DAG1: variants seen among roughly 807,000 people sequenced by gnomAD.
DAG1 encodes dystroglycan 1, also known as dystroglycan 1 (dystrophin-associated glycoprotein 1).
In DAG1, 8 loss-of-function variants were observed where a neutral mutation model predicts 46.1. That is an observed-to-expected ratio of 0.17 (90% CI 0.10 to 0.31). The LOEUF (loss-of-function observed/expected upper bound fraction) is 0.31, where lower values mean the gene tolerates loss of function less well. Ranked by LOEUF, DAG1 falls within the 10% of genes least tolerant of loss-of-function variation. The probability of loss-of-function intolerance (pLI) is 1.00; values close to 1 mark genes in which losing one functional copy is unlikely to be tolerated. For missense variants in DAG1, 1,003 were observed against 1,189.9 expected, an observed-to-expected ratio of 0.84 and a Z score of 2.31; for synonymous variants, 495 against 481.8, an observed-to-expected ratio of 1.03 and a Z score of -0.36.
intron 2 of DAG1, among the ~76,000 whole-genome samples, chr3:49,520,575 T>C (rs2051001621): frequency 6.6e-6 from 1 of 152,134 alleles, no homozygotes; most frequent in Non-Finnish European, 1.5e-5. Context: ...AGGTCCAGCA[T>C]TGGGATGTCA....
At position 49,510,939 on chromosome 3, in the gene DAG1, C is replaced by T. The variant is rs2050747092; in HGVS notation, c.285+120C>T. 9 of 1,536,646 alleles carry T rather than the reference C, an allele frequency of 5.9e-6. No individual in the cohort carries two copies. In the Admixed American group the frequency reaches 1.6e-4, roughly 27 times the overall value. ...CTGAGCTCAGTTCTTCCAGTACCCCCTTAGAAGAGGGACAGCCACTGATGT... is the reference window on the plus strand; with the variant it reads ...CTGAGCTCAGTTCTTCCAGTACCCCTTTAGAAGAGGGACAGCCACTGATGT... On this transcript the variant is annotated intron_variant, in intron 2 of 2. Coordinates refer to ENST00000308775, the MANE Select transcript of DAG1 (RefSeq NM_004393.6).
chr3:49,532,043 G>C lies in DAG1; in HGVS notation c.1532G>C (p.Gly511Ala). ...ATTGACAGGGTAGATGCCTGGGTTG[G>C]CACCTACTTTGAGGTGAAGATCCCG... is the stretch of plus-strand genomic sequence containing the variant. ...NHIDRVDAWV[G>A]TYFEVKIPSD... is the part of the protein sequence containing the mutation. The change falls in exon 3 of 3, where the codon GGC becomes GCC. Residue 511 changes from glycine (G) to alanine (A), a missense_variant. Coordinates refer to ENST00000308775, the MANE Select transcript of DAG1 (RefSeq NM_004393.6). The surrounding 1 kb of genome is among the most constrained non-coding windows in gnomAD (Gnocchi z 5.4). 1 of 1,614,198 alleles carries C rather than the reference G, an allele frequency of 6.2e-7. No individual in the cohort carries two copies. Among genetic ancestry groups the C allele is most frequent in the East Asian group, 2.2e-5 (1 of 44,886 alleles).
chr3:49,501,768 C>G (rs748572793), intron 1 of DAG1, among the ~76,000 whole-genome samples: 4 of 147,176 alleles, frequency 2.7e-5, no homozygotes, highest in Non-Finnish European at 5.9e-5. Context: ...GAGCCGAGAT[C>G]ATGCCACTGT....
At chr3:49,490,517 C>A (rs999537673) in intron 1 of DAG1, among the ~76,000 whole-genome samples, 1 of 151,616 alleles carries the variant, frequency 6.6e-6, no homozygotes. Context: ...TTTTCTGAAC[C>A]ATCTATGAGT....
intron 1 of DAG1, among the ~76,000 whole-genome samples, chr3:49,494,625 AATT>A (rs1203553930): frequency 4.0e-5 from 6 of 151,826 alleles, no homozygotes; most frequent in South Asian, 2.1e-4. Context: ...ATGCTTGGTG[AATT>A]ATTATTATTA....
chr3:49,492,764 G>C (rs891778338), intron 1 of DAG1: 1 of 152,116 alleles, frequency 6.6e-6, no homozygotes, highest in Non-Finnish European at 1.5e-5. Flanking sequence ...GCAGCTCCAA[G>C]GTACTTTTCA....
chr3:49,476,566 T>C (rs529372209), intron 1 of DAG1, among the ~76,000 whole-genome samples: 1 of 152,114 alleles, frequency 6.6e-6, no homozygotes, highest in Admixed American at 6.6e-5. Context: ...AGTGTTGAGG[T>C]TTTTCTTCTC....
rs753007018 is a variant in DAG1 at position 49,510,555 on chromosome 3, C to G, written c.21C>G (p.Leu7=). The G allele has an allele frequency of 5.6e-6, 9 of 1,613,660 alleles. 1 individual carries two copies. The South Asian group carries it at 8.8e-5, about 16-fold the overall frequency. MRMSVG[L]SLLLPLSGRT... The stretch of plus-strand genomic sequence containing the variant: ...CTGGGATGAGGATGTCTGTGGGCCT[C>G]TCGCTGCTGCTGCCCCTCTCGGGGA... The change falls in exon 2 of 3, where the codon CTC becomes CTG. Residue 7 remains leucine (L), a synonymous_variant. Coordinates refer to ENST00000308775, the MANE Select transcript of DAG1 (RefSeq NM_004393.6).
chr3:49,522,565 G>C (rs2051061964), intron 2 of DAG1, among the ~76,000 whole-genome samples: 1 of 148,316 alleles, frequency 6.7e-6, no homozygotes, highest in African/African-American at 2.5e-5. Context: ...TCAGCCTCCT[G>C]AGTAGCTGGG....
intron 1 of DAG1, among the ~76,000 whole-genome samples, chr3:49,489,122 T>C (rs2050114760): frequency 6.6e-6 from 1 of 150,932 alleles, no homozygotes. Flanking sequence ...TGAGACACAG[T>C]TTTGCTCTTG....
intron 2 of DAG1, among the ~76,000 whole-genome samples, chr3:49,520,641 G>A (rs1013497269): frequency 1.3e-5 from 2 of 152,168 alleles, no homozygotes; most frequent in African/African-American, 4.8e-5. Flanking sequence ...ACGGGGAAGG[G>A]CCCAGCCCAC....
intron 1 of DAG1, among the ~76,000 whole-genome samples, chr3:49,505,505 T>C (rs2050581161): frequency 6.6e-6 from 1 of 152,206 alleles, no homozygotes; most frequent in African/African-American, 2.4e-5. Context: ...AGAAATACAA[T>C]TGATTTTTGA....
At chr3:49,517,399 G>C (rs536242703) in intron 2 of DAG1, among the ~76,000 whole-genome samples, 1 of 152,126 alleles carries the variant, frequency 6.6e-6, no homozygotes, top group Admixed American at 6.6e-5. Context: ...TTAATGCTTT[G>C]TTCTAGTCAG....
intron 2 of DAG1, among the ~76,000 whole-genome samples, chr3:49,529,066 G>C (rs1033632651): frequency 6.6e-6 from 1 of 152,108 alleles, no homozygotes; most frequent in Admixed American, 6.6e-5. Flanking sequence ...GGCCAGGCTG[G>C]TCTCGAACTC....
At chr3:49,505,838 T>A (rs1184406945) in intron 1 of DAG1, among the ~76,000 whole-genome samples, 1 of 10,884 alleles carries the variant, frequency 9.2e-5, no homozygotes, top group Non-Finnish European at 2.2e-4. Flanking sequence ...TAATTTTGTA[T>A]TTTTTTTTTT....
intron 1 of DAG1, among the ~76,000 whole-genome samples, chr3:49,489,173 G>T (rs1231696277): frequency 2.6e-5 from 4 of 151,282 alleles, no homozygotes. Flanking sequence ...TTGGCTCACC[G>T]CAACCTCTGC....
rs146964566 is a variant in DAG1, at chr3:49,513,132, C to A, written c.285+2313C>A. Among the ~76,000 whole-genome samples the A allele has an allele frequency of 4.8e-3, 725 of 152,178 alleles. 9 individuals carry two copies. The highest frequency in any genetic ancestry group is 0.016 in the African/African-American group (656 of 41,512). On this transcript the variant is annotated intron_variant, in intron 2 of 2. Coordinates refer to ENST00000308775, the MANE Select transcript of DAG1 (RefSeq NM_004393.6). ...GATAAGGAACCTTATCTCTGTTTCA[C>A]ATGGTACTAGGTAGAGTGGCTCACC...
intron 2 of DAG1, among the ~76,000 whole-genome samples, chr3:49,521,330 A>T (rs1017082770): frequency 2.2e-4 from 33 of 151,590 alleles, no homozygotes; most frequent in African/African-American, 7.3e-4. Flanking sequence ...CACCTGGCTT[A>T]TTTTTTTTGT....
chr3:49,523,317 A>G (rs370984204), intron 2 of DAG1, among the ~76,000 whole-genome samples: 15 of 152,088 alleles, frequency 9.9e-5, no homozygotes, highest in African/African-American at 3.4e-4. Flanking sequence ...GCCTCAAACA[A>G]TCCTCTCGCC....
Sources: allele counts gnomAD v4.1 joint callset (sites outside exome capture counted in the v4.1 genomes callset), GRCh38; gene constraint gnomAD v4.1.1; non-coding constraint Gnocchi (gnomAD v3.1); transcripts MANE v1.5; gene names NCBI Gene and HGNC (gene_info 2026-07-23, HGNC 2026-07-21).